FXR1: variants seen among roughly 807,000 people sequenced by gnomAD.
FXR1 encodes the protein RNA-binding protein FXR1.
Under a neutral mutation model 84.0 loss-of-function variants are expected in FXR1, and 15 were observed. The observed-to-expected ratio is 0.18, with a 90% CI of 0.12 to 0.27. FXR1 has a LOEUF of 0.27. Among genes scored for constraint, FXR1 ranks in the 10% least tolerant of loss-of-function variants. The pLI, the probability that FXR1 is intolerant of heterozygous loss-of-function variation, is 1.00. For synonymous variants in FXR1, 245 were observed against 250.7 expected (o/e 0.98, Z 0.21); for missense variants, 480 against 774.4 (o/e 0.62, Z 4.51).
chr3:180,926,938 A>AAGGGAC (rs1481977387), intron 1 of FXR1, among the ~76,000 whole-genome samples: 2 of 152,100 alleles, frequency 1.3e-5, no homozygotes, highest in Admixed American at 6.5e-5. Flanking sequence ...AATGTTCCTG[A>AAGGGAC]AGGGACATCT....
chr3:180,975,025 A>G (rs1462953521), intron 15 of FXR1, among the ~76,000 whole-genome samples: 5 of 138,704 alleles, frequency 3.6e-5, no homozygotes, highest in Non-Finnish European at 7.5e-5. Context: ...GGTTTCTCTA[A>G]CAACTTTGTT....
At chr3:180,922,676 G>A (rs1295608717) in intron 1 of FXR1, among the ~76,000 whole-genome samples, 2 of 152,080 alleles carry the variant, frequency 1.3e-5, no homozygotes, top group Non-Finnish European at 2.9e-5. Flanking sequence ...GCAGTGATAG[G>A]ATCATGGCTC....
chr3:180,969,181 T>A (rs1488210054), intron 14 of FXR1, among the ~76,000 whole-genome samples: 1 of 152,224 alleles, frequency 6.6e-6, no homozygotes, highest in African/African-American at 2.4e-5. Context: ...CTTTGAGCCT[T>A]AAGTTTAGTT....
intron 11 of FXR1, 44 bp from the exon 12 acceptor site, chr3:180,962,839 A>C: frequency 7.3e-7 from 1 of 1,370,704 alleles, no homozygotes; most frequent in Non-Finnish European, 1.0e-6. Context: ...GGAAAACAAA[A>C]AGTTATATAT....
At chr3:180,947,210 G>A (rs186469036) in intron 3 of FXR1, among the ~76,000 whole-genome samples, 264 of 152,068 alleles carry the variant, frequency 1.7e-3, no homozygotes, top group Non-Finnish European at 3.3e-3. Flanking sequence ...CACCATGCCC[G>A]GCTAATTTTT....
intron 15 of FXR1, chr3:180,971,399 A>T (rs941938229): frequency 6.3e-6 from 1 of 157,768 alleles, no homozygotes; most frequent in Non-Finnish European, 1.4e-5. Context: ...TTACATGGAA[A>T]TACTGTTGAG....
chr3:180,949,632 C>T (rs906727367), intron 7 of FXR1, among the ~76,000 whole-genome samples: 1 of 152,198 alleles, frequency 6.6e-6, no homozygotes, highest in Non-Finnish European at 1.5e-5. Flanking sequence ...TGATTGCCCG[C>T]CTCAGCCTCT....
In FXR1 at chr3:180,976,386, T is replaced by TAGAA. The variant is rs1714248545; in HGVS notation, c.*94_*95insAGAA. 2 of 795,088 alleles carry TAGAA rather than the reference T, an allele frequency of 2.5e-6. No individual in the cohort carries two copies. Among genetic ancestry groups the TAGAA allele is most frequent in the Non-Finnish European group, 4.0e-6 (2 of 503,962 alleles). The allele number at this position is 795,088 out of a possible 1,614,324, so 49.3% of individuals were successfully genotyped here. A position where few individuals can be genotyped will look rare whatever the true frequency, so the allele number is the denominator to read the frequency against. ...AAGATAGAATATGGATCGCCAGTCT[T>TAGAA]TACATCGCACTTTCAGTTCCTCCAT... is the stretch of plus-strand genomic sequence containing the variant. On this transcript the variant is annotated 3_prime_UTR_variant, in exon 17 of 17. Transcript: ENST00000357559.
chr3:180,920,665 C>A (rs577948554), intron 1 of FXR1, among the ~76,000 whole-genome samples: 1 of 152,204 alleles, frequency 6.6e-6, no homozygotes, highest in African/African-American at 2.4e-5. Flanking sequence ...CCATGCACCA[C>A]CACGCCCGGC....
intron 1 of FXR1, among the ~76,000 whole-genome samples, chr3:180,920,710 C>G (rs148290736): frequency 1.3e-5 from 2 of 152,022 alleles, no homozygotes; most frequent in African/African-American, 4.8e-5. Context: ...GGCGATTTGC[C>G]GTGTTGACTA....
At chr3:180,969,174 T>C (rs1713221020) in intron 14 of FXR1, among the ~76,000 whole-genome samples, 1 of 152,234 alleles carries the variant, frequency 6.6e-6, no homozygotes, top group East Asian at 1.9e-4. Context: ...TAATACTCTT[T>C]GAGCCTTAAG....
At chr3:180,968,570 G>C (rs1288423921) in intron 14 of FXR1, among the ~76,000 whole-genome samples, 3 of 152,062 alleles carry the variant, frequency 2.0e-5, no homozygotes, top group Admixed American at 2.0e-4. Context: ...GAATTTTGGG[G>C]TTATGTTTTT....
rs566984631 is a variant in FXR1, at chr3:180,912,877, C to G, written c.51+141C>G. On this transcript the variant is annotated intron_variant, in intron 1 of 16. Coordinates refer to ENST00000357559, the MANE Select transcript of FXR1 (RefSeq NM_005087.4). Reference sequence around the variant, plus strand: ...CGAGGCCGCTGGATTCCTTGCTTCTCCCCCCTCCACCCGCGGTTTAACGGT... The same window carrying G: ...CGAGGCCGCTGGATTCCTTGCTTCTGCCCCCTCCACCCGCGGTTTAACGGT... The G allele has an allele frequency of 4.2e-6, 6 of 1,437,904 alleles. No individual in the cohort carries two copies. In the African/African-American group the frequency reaches 8.4e-5, roughly 20 times the overall value. The allele number at this position is 1,437,904 out of a possible 1,614,324, so 89.1% of individuals were successfully genotyped here.
intron 11 of FXR1, among the ~76,000 whole-genome samples, chr3:180,962,662 A>G (rs1195832626): frequency 6.6e-6 from 1 of 152,114 alleles, no homozygotes; most frequent in Admixed American, 6.6e-5. Flanking sequence ...TTTATATTGT[A>G]TGCCTATAGT....
At chr3:180,963,218 C>T (rs1309261478) in intron 13 of FXR1, 128 bp downstream of exon 13, 7 of 590,126 alleles carry the variant, frequency 1.2e-5, no homozygotes, top group African/African-American at 1.9e-5. Context: ...GAAGGTAGTT[C>T]TGAAGGTTTA....
chr3:180,927,133 T>C (rs1719325205), intron 1 of FXR1, among the ~76,000 whole-genome samples: 1 of 152,132 alleles, frequency 6.6e-6, no homozygotes, highest in African/African-American at 2.4e-5. Flanking sequence ...GGTGCCTTAT[T>C]TCCTCTGATT....
intron 3 of FXR1, among the ~76,000 whole-genome samples, chr3:180,939,185 C>CAGTG (rs1175411836): frequency 6.6e-6 from 1 of 152,068 alleles, no homozygotes; most frequent in Non-Finnish European, 1.5e-5. Flanking sequence ...TGAGACACTG[C>CAGTG]GCAGGCTTAC....
intron 14 of FXR1, 63 bp from the exon 15 acceptor site, chr3:180,970,091 TATAG>T: frequency 1.2e-6 from 1 of 832,290 alleles, no homozygotes; most frequent in South Asian, 1.4e-5. Context: ...TATAGTTCAA[TATAG>T]ATCAAACATT....
At chr3:180,915,360 G>C in intron 1 of FXR1, 1 of 603,290 alleles carries the variant, frequency 1.7e-6, no homozygotes, top group African/African-American at 1.9e-5. Flanking sequence ...CTCAACCCCA[G>C]CTTCTAGAGT....
Sources: allele counts gnomAD v4.1 joint callset (sites outside exome capture counted in the v4.1 genomes callset), GRCh38; gene constraint gnomAD v4.1.1; transcripts MANE v1.5; gene names NCBI Gene and HGNC (gene_info 2026-07-23, HGNC 2026-07-21).